Variants in GABRA3 observed in about 807,000 individuals in gnomAD.
GABRA3 encodes gamma-aminobutyric acid type A receptor subunit alpha3, also known as gamma-aminobutyric acid receptor subunit alpha-3.
GABRA3 carries 10 observed loss-of-function variants against 30.1 expected under a neutral mutation model. The ratio of observed to expected loss-of-function variants is 0.33; its 90% CI spans 0.20 to 0.56. The LOEUF (loss-of-function observed/expected upper bound fraction) is 0.56, where lower values mean the gene tolerates loss of function less well. Ranked by LOEUF, GABRA3 falls within the 20% of genes least tolerant of loss-of-function variation. The pLI is 0.89. For missense variants in GABRA3, 233 were observed against 392.0 expected (o/e 0.59, Z 3.42); for synonymous variants, 151 against 146.8 (o/e 1.03, Z -0.21).
intron 1 of GABRA3, among the ~76,000 whole-genome samples, chrX:152,377,517 C>A (rs1225060624): frequency 1.8e-5 from 2 of 109,879 alleles, no homozygotes; most frequent in Non-Finnish European, 3.8e-5. Context: ...GGCAGCAAAA[C>A]TATAAAACAA....
intron 7 of GABRA3, among the ~76,000 whole-genome samples, chrX:152,198,225 T>A (rs1300097149): frequency 8.9e-6 from 1 of 111,911 alleles, no homozygotes; most frequent in Non-Finnish European, 1.9e-5. Context: ...GCAACTTGCA[T>A]AAGGTTACAC....
At chrX:152,231,280 TATAC>T (rs1257305467) in intron 5 of GABRA3, among the ~76,000 whole-genome samples, 19 of 99,101 alleles carry the variant, frequency 1.9e-4, no homozygotes, top group South Asian at 1.0e-3. Context: ...CGTATATATG[TATAC>T]ATATACGTGT....
intron 3 of GABRA3, among the ~76,000 whole-genome samples, chrX:152,341,318 G>A (rs901651365): frequency 2.7e-5 from 3 of 110,633 alleles, no homozygotes; most frequent in African/African-American, 9.9e-5. Flanking sequence ...TTGCAATTGT[G>A]AATTGGGCTG....
intron 1 of GABRA3, among the ~76,000 whole-genome samples, chrX:152,411,357 A>G (rs916395897): frequency 2.7e-5 from 3 of 111,353 alleles, no homozygotes; most frequent in African/African-American, 9.8e-5. Context: ...TAAAAAAAGA[A>G]CCAAATAAAA....
chrX:152,275,184 A>ATG, intron 4 of GABRA3, among the ~76,000 whole-genome samples: 1 of 76,336 alleles, frequency 1.3e-5, no homozygotes, highest in South Asian at 5.6e-4. Context: ...TATATATTTA[A>ATG]TATTATATAT....
intron 1 of GABRA3, among the ~76,000 whole-genome samples, chrX:152,372,751 T>C (rs1355959418): frequency 8.9e-6 from 1 of 112,198 alleles, no homozygotes; most frequent in Non-Finnish European, 1.9e-5. Flanking sequence ...CTTCATTTTA[T>C]GGAAAACAAA....
intron 1 of GABRA3, among the ~76,000 whole-genome samples, chrX:152,439,986 C>A (rs976462963): frequency 1.7e-4 from 19 of 111,824 alleles, no homozygotes; most frequent in Non-Finnish European, 2.6e-4. Context: ...GTCTAAAACA[C>A]CAAAAGCAAT....
At chrX:152,234,756 A>G (rs1218661133) in intron 5 of GABRA3, among the ~76,000 whole-genome samples, 1 of 111,039 alleles carries the variant, frequency 9.0e-6, no homozygotes, top group African/African-American at 3.3e-5. Context: ...GTTTCCGTTG[A>G]TTTTCTCAAA....
chrX:152,257,953 C>A (rs2124415753), intron 4 of GABRA3, among the ~76,000 whole-genome samples: 1 of 111,766 alleles, frequency 8.9e-6, no homozygotes, highest in African/African-American at 3.3e-5. Context: ...GCTGGGTATA[C>A]CACTAGATTG....
At chrX:152,437,771 T>C (rs1331378900) in intron 1 of GABRA3, among the ~76,000 whole-genome samples, 3 of 111,908 alleles carry the variant, frequency 2.7e-5, no homozygotes, top group South Asian at 3.7e-4. Flanking sequence ...TAAATGATAG[T>C]CTTTTCAACA....
chrX:152,180,212 A>G (rs1438979922), intron 9 of GABRA3, among the ~76,000 whole-genome samples: 1 of 112,274 alleles, frequency 8.9e-6, no homozygotes, highest in East Asian at 2.8e-4. Flanking sequence ...ACCAACAGTT[A>G]TCTTCGGTCT....
intron 7 of GABRA3, among the ~76,000 whole-genome samples, chrX:152,201,005 G>A (rs1423660448): frequency 8.9e-6 from 1 of 112,093 alleles, no homozygotes; most frequent in African/African-American, 3.2e-5. Flanking sequence ...CCTTGTATTG[G>A]AGGCTATCCG....
At chrX:152,412,092 C>G (rs1036027486) in intron 1 of GABRA3, among the ~76,000 whole-genome samples, 3 of 110,880 alleles carry the variant, frequency 2.7e-5, no homozygotes, top group Non-Finnish European at 5.7e-5. Flanking sequence ...CATCATTTAG[C>G]CAACATGAAA....
intron 8 of GABRA3, 140 bp downstream of exon 8, chrX:152,197,493 A>G (rs917800819): frequency 1.1e-5 from 5 of 463,771 alleles, no homozygotes; most frequent in East Asian, 4.0e-5. Context: ...CTAAAACCCC[A>G]TGGTCTGATG....
intron 1 of GABRA3, among the ~76,000 whole-genome samples, chrX:152,444,885 C>A (rs1482320124): frequency 1.1e-5 from 1 of 93,438 alleles, no homozygotes; most frequent in Non-Finnish European, 2.1e-5. Context: ...AACGGTGAAA[C>A]CCCGTCTCTA....
At chrX:152,216,431 CACACACACACAA>C (rs1471373586) in intron 6 of GABRA3, among the ~76,000 whole-genome samples, 1 of 95,188 alleles carries the variant, frequency 1.1e-5, no homozygotes, top group Non-Finnish European at 2.0e-5. Context: ...CACACACACA[CACACACACACAA>C]TGGAATGCTA....
rs758264896 is a variant in GABRA3 at position 152,443,315 on chromosome X, C to T, written c.-27+7831G>A. ...AGGTACCATTTTGCCCCTAACAGAT[C>T]GGTAAAAATTTTAAAAGAATGGCAA... On this transcript the variant is annotated intron_variant, in intron 1 of 9. Transcript: ENST00000370314. 5.4e-5 allele frequency among the ~76,000 whole-genome samples: 6 copies of T among 111,671 alleles called. No individual in the cohort carries two copies. The South Asian group carries it at 1.9e-3, about 35-fold the overall frequency.
At chrX:152,209,254 G>A (rs182840565) in intron 6 of GABRA3, among the ~76,000 whole-genome samples, 2 of 111,574 alleles carry the variant, frequency 1.8e-5, no homozygotes, top group Admixed American at 1.9e-4. Context: ...ATTAACAGGG[G>A]CGTGAGTAAG....
At chrX:152,409,203 T>C (rs1329066538) in intron 1 of GABRA3, among the ~76,000 whole-genome samples, 3 of 110,386 alleles carry the variant, frequency 2.7e-5, no homozygotes, top group African/African-American at 9.9e-5. Flanking sequence ...AAATAATTTT[T>C]AAAAAATTAT....
Sources: gnomAD v4.1 joint callset for allele counts (sites outside exome capture counted in the v4.1 genomes callset) on GRCh38, gnomAD v4.1.1 for gene constraint, MANE v1.5 for transcripts, NCBI Gene and HGNC (gene_info 2026-07-23, HGNC 2026-07-21) for gene names.